The following OAS3 variants were observed in gnomAD, a reference collection of about 807,000 sequenced individuals.
The protein encoded by OAS3 is 2'-5'-oligoadenylate synthetase 3.
A neutral mutation model predicts 113.0 loss-of-function variants in OAS3; 107 were observed. The ratio of observed to expected loss-of-function variants is 0.95; its 90% CI spans 0.81 to 1.11. OAS3 has a LOEUF of 1.11. OAS3 is among the 50% of genes most tolerant of loss of function. The probability of loss-of-function intolerance (pLI) is 0.00; values close to 1 mark genes in which losing one functional copy is unlikely to be tolerated. For missense variants in OAS3, 1,258 were observed against 1,389.1 expected, an observed-to-expected ratio of 0.91 and a Z score of 1.50; for synonymous variants, 552 against 573.6, an observed-to-expected ratio of 0.96 and a Z score of 0.54.
chr12:112,943,083 C>T (rs1024386642), intron 2 of OAS3, among the ~76,000 whole-genome samples: 2 of 151,896 alleles, frequency 1.3e-5, no homozygotes, highest in Non-Finnish European at 2.9e-5. Context: ...TACAGGCATG[C>T]ACCACCATGC....
At chr12:112,964,850 A>G (rs904300615) in intron 11 of OAS3, among the ~76,000 whole-genome samples, 6 of 152,176 alleles carry the variant, frequency 3.9e-5, no homozygotes, top group African/African-American at 1.4e-4. Context: ...AAATTCAAAT[A>G]AAAGTCTTGG....
At chr12:112,962,350 C>T (rs888476945) in intron 8 of OAS3, among the ~76,000 whole-genome samples, 3 of 152,252 alleles carry the variant, frequency 2.0e-5, no homozygotes, top group East Asian at 1.9e-4. Flanking sequence ...TGGATGGATT[C>T]GTCAATGCTT....
intron 8 of OAS3, among the ~76,000 whole-genome samples, chr12:112,961,958 G>C (rs1426680555): frequency 6.6e-6 from 1 of 152,112 alleles, no homozygotes; most frequent in Non-Finnish European, 1.5e-5. Flanking sequence ...ACTACACCTG[G>C]CTGATTTTTG....
In OAS3 at chr12:112,963,385, A is replaced by G. The variant is rs1399728397; in HGVS notation, c.2157A>G (p.Glu719=). The stretch of plus-strand genomic sequence containing the variant: ...GTAGCTGGGAGCTGTTGGCCCAGGA[A>G]GCAGCAGCGCTGGGGATGCAGGCCT... ...GHGSWELLAQ[E]AAALGMQACF... The change falls in exon 10 of 16, where the codon GAA becomes GAG. Residue 719 remains glutamate, a synonymous_variant. Transcript: ENST00000228928. This position sits in a 1 kb window ranked among gnomAD's most constrained non-coding sequence, Gnocchi z 4.6. 3 of 1,554,294 alleles carry G rather than the reference A, an allele frequency of 1.9e-6. No homozygotes were observed. The highest frequency in any genetic ancestry group is 4.9e-5 in the East Asian group (2 of 41,030).
At chr12:112,942,861 T>C (rs976482086) in intron 2 of OAS3, among the ~76,000 whole-genome samples, 9 of 151,832 alleles carry the variant, frequency 5.9e-5, no homozygotes, top group African/African-American at 2.2e-4. Context: ...GATAGCTTTA[T>C]CCTTTGGGCA....
At chr12:112,968,520 G>T (rs1170229289) in intron 14 of OAS3, among the ~76,000 whole-genome samples, 2 of 152,154 alleles carry the variant, frequency 1.3e-5, no homozygotes, top group East Asian at 1.9e-4. Flanking sequence ...CTGGTTTTTT[G>T]TTGTTGTTGT....
chr12:112,957,741 C>G (rs564437464), intron 7 of OAS3, among the ~76,000 whole-genome samples: 10 of 152,160 alleles, frequency 6.6e-5, no homozygotes, highest in Non-Finnish European at 1.0e-4. Context: ...GTGGGTAACT[C>G]GAGCTTTCTC....
chr12:112,941,318 T>C (rs7311182), intron 1 of OAS3, among the ~76,000 whole-genome samples: 113,285 of 152,154 alleles, frequency 0.74, 43,466 homozygotes, highest in African/African-American at 0.94. Flanking sequence ...GTGAGCTATG[T>C]GTTCCAGCCT....
intron 4 of OAS3, among the ~76,000 whole-genome samples, 184 bp downstream of exon 4, chr12:112,947,165 T>G (rs992274024): frequency 3.9e-5 from 6 of 152,204 alleles, no homozygotes; most frequent in African/African-American, 1.4e-4. Context: ...TGGGGGAGTT[T>G]TAAAAAATAT....
rs1210543429 is a variant in OAS3, at chr12:112,967,533, C to T, written c.2805C>T (p.Ile935=). Reference sequence around the variant, plus strand: ...TCACAGAGCTACAACGGGACTTCATCATCTCTCGCCCTACCAAGCTGAAGA... The same window carrying T: ...TCACAGAGCTACAACGGGACTTCATTATCTCTCGCCCTACCAAGCTGAAGA... ...TCFTELQRDF[I]ISRPTKLKSL... is the part of the protein sequence containing the mutation. Residue 935 remains isoleucine (I), a synonymous_variant, in exon 13 of 16, where the codon ATC becomes ATT. Coordinates refer to ENST00000228928, the MANE Select transcript of OAS3 (RefSeq NM_006187.4). The T allele has an allele frequency of 4.3e-6, 7 of 1,613,880 alleles. No homozygotes were observed. The highest frequency in any genetic ancestry group is 5.9e-6 in the Non-Finnish European group (7 of 1,179,852).
rs771753933 is a variant in OAS3, at chr12:112,963,944, G to A, written c.2230-291G>A. 1.3e-5 allele frequency among the ~76,000 whole-genome samples: 2 copies of A among 152,164 alleles called. No individual in the cohort carries two copies. The highest frequency in any genetic ancestry group is 4.8e-5 in the African/African-American group (2 of 41,460). On this transcript the variant is annotated intron_variant, in intron 10 of 15. Transcript: ENST00000228928. The surrounding 1 kb of genome is among the most constrained non-coding windows in gnomAD (Gnocchi z 4.6). The stretch of plus-strand genomic sequence containing the variant: ...ATGATTTTATCACATTTACTATTTT[G>A]CAGCAGGGTCTCATAACCAGCATTT...
Position 112,962,873 on chromosome 12 carries a change from G to A in OAS3, c.2055G>A (p.Met685Ile), listed in dbSNP as rs763551339. 1 of 1,613,962 alleles carries A rather than the reference G, an allele frequency of 6.2e-7. No homozygotes were observed. The highest frequency in any genetic ancestry group is 1.7e-5 in the Admixed American group (1 of 60,016). ...NYSTEDPAMR[M>I]HLLGQLRKPR... ...GCACTGAGGACCCAGCCATGAGAATGCACCTTCTTGGCCAGCTTCGAAAAC... is the reference window on the plus strand; with the variant it reads ...GCACTGAGGACCCAGCCATGAGAATACACCTTCTTGGCCAGCTTCGAAAAC... Residue 685 changes from methionine to isoleucine, a missense_variant, in exon 9 of 16, where the codon ATG becomes ATA. By Grantham distance (10) the Met-to-Ile change is conservative. Coordinates refer to ENST00000228928, the MANE Select transcript of OAS3 (RefSeq NM_006187.4).
At chr12:112,950,508 T>C (rs2043778725) in intron 6 of OAS3, 185 bp from the exon 7 acceptor site, 4 of 667,290 alleles carry the variant, frequency 6.0e-6, no homozygotes, top group South Asian at 1.9e-5. Flanking sequence ...CAGATACAAC[T>C]TGACTCTCTG....
At chr12:112,955,682 G>C (rs2043827508) in intron 7 of OAS3, among the ~76,000 whole-genome samples, 1 of 152,216 alleles carries the variant, frequency 6.6e-6, no homozygotes, top group Non-Finnish European at 1.5e-5. Context: ...ACTTGATCAG[G>C]GTGGATAAGC....
intron 7 of OAS3, among the ~76,000 whole-genome samples, chr12:112,951,839 CAAAAAAAAAAA>C (rs3038125): frequency 6.6e-5 from 7 of 105,724 alleles, no homozygotes; most frequent in African/African-American, 1.8e-4. Context: ...ACTAAAAATA[CAAAAAAAAAAA>C]AAAAAAAAAA....
intron 3 of OAS3, among the ~76,000 whole-genome samples, chr12:112,945,578 G>A (rs2043720746): frequency 6.6e-6 from 1 of 152,056 alleles, no homozygotes; most frequent in Non-Finnish European, 1.5e-5. Context: ...TGGAGATGGG[G>A]GAACAGGCTC....
chr12:112,969,565 A>AGATGTTGCC (rs1209725413), intron 14 of OAS3, 43 bp from the exon 15 acceptor site: 3 of 1,571,930 alleles, frequency 1.9e-6, no homozygotes, highest in African/African-American at 2.7e-5. Context: ...GTGGACACCT[A>AGATGTTGCC]GATGTTGCCA....
chr12:112,947,407 A>G (rs1458716688), intron 4 of OAS3, among the ~76,000 whole-genome samples: 2 of 152,214 alleles, frequency 1.3e-5, no homozygotes, highest in Non-Finnish European at 2.9e-5. Flanking sequence ...ATTTAAATGG[A>G]ATCATGCCAC....
chr12:112,944,958 T>C, intron 3 of OAS3: 1 of 402,276 alleles, frequency 2.5e-6, no homozygotes, highest in South Asian at 2.2e-5. Flanking sequence ...ATATCTACAG[T>C]TTAATGTACT....
Sources: allele counts gnomAD v4.1 joint callset (sites outside exome capture counted in the v4.1 genomes callset), GRCh38; gene constraint gnomAD v4.1.1; non-coding constraint Gnocchi (gnomAD v3.1); transcripts MANE v1.5; gene names NCBI Gene and HGNC (gene_info 2026-07-23, HGNC 2026-07-21).